GALNTL6: variants seen among roughly 807,000 people sequenced by gnomAD.
The protein encoded by GALNTL6 is polypeptide N-acetylgalactosaminyltransferase like 6, also known as polypeptide N-acetylgalactosaminyltransferase-like 6.
Under a neutral mutation model 73.7 loss-of-function variants are expected in GALNTL6, and 46 were observed. The ratio of observed to expected loss-of-function variants is 0.62; its 90% CI spans 0.49 to 0.80. The LOEUF (loss-of-function observed/expected upper bound fraction) is 0.80. GALNTL6 is among the 30% of genes least tolerant of loss of function. The pLI, the probability that GALNTL6 is intolerant of heterozygous loss-of-function variation, is 0.00. For missense variants in GALNTL6, 604 were observed against 755.0 expected, an observed-to-expected ratio of 0.80 and a Z score of 2.34; for synonymous variants, 259 against 263.7, an observed-to-expected ratio of 0.98 and a Z score of 0.17.
chr4:172,316,055 A>T (rs2111154847), intron 4 of GALNTL6, among the ~76,000 whole-genome samples: 1 of 152,320 alleles, frequency 6.6e-6, no homozygotes, highest in South Asian at 2.1e-4. Context: ...AAATTGAAGA[A>T]TTTTTAAGCA....
intron 5 of GALNTL6, among the ~76,000 whole-genome samples, chr4:172,738,528 G>C (rs904698391): frequency 6.6e-6 from 1 of 152,150 alleles, no homozygotes; most frequent in Non-Finnish European, 1.5e-5. Flanking sequence ...AGGTATGTGA[G>C]ATAGGGATGT....
intron 5 of GALNTL6, among the ~76,000 whole-genome samples, chr4:172,605,530 G>T (rs1458817772): frequency 6.6e-6 from 1 of 152,014 alleles, no homozygotes; most frequent in Non-Finnish European, 1.5e-5. Context: ...TGAACAGTTT[G>T]GGGAGAAATA....
intron 10 of GALNTL6, among the ~76,000 whole-genome samples, chr4:172,987,843 T>A (rs1751358962): frequency 6.6e-6 from 1 of 152,212 alleles, no homozygotes; most frequent in South Asian, 2.1e-4. Context: ...AAAAGTTTCC[T>A]GAGGCCTCTC....
rs1737902058 is a variant in GALNTL6, at chr4:172,597,560, T to G, written c.554-211801T>G. ...GGGGAGAGGTATGTAACAATTACAG[T>G]AAATGCTAGAGTTTGAGTTTTCTAA... is the stretch of plus-strand genomic sequence containing the variant. On this transcript the variant is annotated intron_variant, in intron 5 of 12. Transcript: ENST00000506823. Among the ~76,000 whole-genome samples the G allele has an allele frequency of 2.6e-5, 4 of 152,188 alleles. No homozygotes were observed. In the South Asian group the frequency reaches 8.3e-4, roughly 32 times the overall value.
chr4:172,418,271 G>C (rs1263702920), intron 5 of GALNTL6, among the ~76,000 whole-genome samples: 2 of 152,084 alleles, frequency 1.3e-5, no homozygotes, highest in Non-Finnish European at 2.9e-5. Context: ...TCTATGTTCA[G>C]CAATATTCAT....
rs556683720 is a variant in GALNTL6 at position 172,144,779 on chromosome 4, C to T, written c.139-84877C>T. Among the ~76,000 whole-genome samples, 121 of 152,118 alleles carry T rather than the reference C, an allele frequency of 8.0e-4. 2 individuals are homozygous for T. In the South Asian group the frequency reaches 0.025, roughly 31 times the overall value. On this transcript the variant is annotated intron_variant, in intron 2 of 12. Transcript: ENST00000506823. Reference sequence around the variant, plus strand: ...AAACCTTCATTGAGCATTATTTGTCCCTGCAGAGCTAACCCCTTGTTTTGC... The same window carrying T: ...AAACCTTCATTGAGCATTATTTGTCTCTGCAGAGCTAACCCCTTGTTTTGC...
chr4:172,578,024 C>A (rs889030541), intron 5 of GALNTL6, among the ~76,000 whole-genome samples: 3 of 152,132 alleles, frequency 2.0e-5, no homozygotes, highest in African/African-American at 7.2e-5. Flanking sequence ...GAGCTTTATA[C>A]TTCCAAAGTA....
At chr4:172,393,704 A>G (rs2111307953) in intron 5 of GALNTL6, among the ~76,000 whole-genome samples, 1 of 152,348 alleles carries the variant, frequency 6.6e-6, no homozygotes, top group South Asian at 2.1e-4. Context: ...GTTGTGTTCA[A>G]TTAAATGTGG....
At chr4:172,623,232 C>T (rs1009262256) in intron 5 of GALNTL6, among the ~76,000 whole-genome samples, 3 of 152,014 alleles carry the variant, frequency 2.0e-5, no homozygotes, top group Non-Finnish European at 4.4e-5. Flanking sequence ...GAAGAATCAA[C>T]TAAAAAAGTT....
At chr4:172,419,782 A>G (rs575587202) in intron 5 of GALNTL6, among the ~76,000 whole-genome samples, 1 of 152,158 alleles carries the variant, frequency 6.6e-6, no homozygotes, top group Admixed American at 6.6e-5. Context: ...ACTAAGAGAC[A>G]TGTCCCAGCT....
intron 5 of GALNTL6, among the ~76,000 whole-genome samples, chr4:172,779,379 A>C (rs2064809815): frequency 6.6e-6 from 1 of 152,094 alleles, no homozygotes; most frequent in African/African-American, 2.4e-5. Context: ...CCTGGCAGAC[A>C]CAGCACTGCC....
intron 2 of GALNTL6, among the ~76,000 whole-genome samples, chr4:171,932,383 A>G (rs1185809893): frequency 1.3e-5 from 2 of 152,158 alleles, no homozygotes; most frequent in African/African-American, 2.4e-5. Context: ...CTTGGTGGAA[A>G]CCGAGTGTTG....
intron 5 of GALNTL6, among the ~76,000 whole-genome samples, chr4:172,678,181 C>T: frequency 6.6e-6 from 1 of 152,218 alleles, no homozygotes; most frequent in East Asian, 1.9e-4. Flanking sequence ...TTGGCACTGG[C>T]TGTGACTGGA....
chr4:172,086,448 T>G lies in GALNTL6; in HGVS notation c.139-143208T>G, dbSNP rs1732035978. On this transcript the variant is annotated intron_variant, in intron 2 of 12. Coordinates refer to ENST00000506823, the MANE Select transcript of GALNTL6 (RefSeq NM_001034845.3). The stretch of plus-strand genomic sequence containing the variant: ...TTTTGTTGTATATATATAATTATTT[T>G]GACTTTAAACTTGATTTTAAAGCAG... 2.0e-5 allele frequency among the ~76,000 whole-genome samples: 3 copies of G among 152,298 alleles called. No individual in the cohort carries two copies. In the South Asian group the frequency reaches 6.2e-4, roughly 32 times the overall value.
intron 2 of GALNTL6, among the ~76,000 whole-genome samples, chr4:171,826,554 C>T (rs1365728117): frequency 6.6e-6 from 1 of 152,086 alleles, no homozygotes; most frequent in Non-Finnish European, 1.5e-5. Context: ...CCTGACTTTC[C>T]GTTTCTACCC....
intron 5 of GALNTL6, among the ~76,000 whole-genome samples, chr4:172,453,102 G>A (rs1579084871): frequency 6.6e-6 from 1 of 152,156 alleles, no homozygotes; most frequent in Non-Finnish European, 1.5e-5. Context: ...TCCGGAGGCT[G>A]CGGCAGAAGA....
intron 5 of GALNTL6, among the ~76,000 whole-genome samples, chr4:172,753,942 T>A (rs537287885): frequency 1.3e-5 from 2 of 152,004 alleles, no homozygotes; most frequent in Non-Finnish European, 2.9e-5. Context: ...GAGACAGAGA[T>A]AGGTATAGGA....
At chr4:172,488,326 G>T (rs1293345077) in intron 5 of GALNTL6, among the ~76,000 whole-genome samples, 1 of 152,226 alleles carries the variant, frequency 6.6e-6, no homozygotes, top group African/African-American at 2.4e-5. Flanking sequence ...CGCAGATAGG[G>T]CCTAGTAAAG....
chr4:172,261,731 AT>A (rs1433690755), intron 3 of GALNTL6, among the ~76,000 whole-genome samples: 2 of 151,186 alleles, frequency 1.3e-5, no homozygotes, highest in African/African-American at 2.4e-5. Context: ...GATGTAGGCA[AT>A]TAATGCTATG....
Sources: gnomAD v4.1 joint callset for allele counts (sites outside exome capture counted in the v4.1 genomes callset) on GRCh38, gnomAD v4.1.1 for gene constraint, MANE v1.5 for transcripts, NCBI Gene and HGNC (gene_info 2026-07-23, HGNC 2026-07-21) for gene names.